The following PDGFRL variants were observed in gnomAD, a reference collection of about 807,000 sequenced individuals.
PDGFRL encodes the protein platelet-derived growth factor receptor-like protein.
A neutral mutation model predicts 37.2 loss-of-function variants in PDGFRL; 46 were observed. The observed-to-expected ratio is 1.24, with a 90% CI of 0.98 to 1.58. The LOEUF is 1.58. Ranked by LOEUF, PDGFRL falls within the 40% of genes most tolerant of loss-of-function variation. PDGFRL has a pLI of 0.00. For missense variants in PDGFRL, 692 were observed against 467.6 expected (o/e 1.48, Z -4.43); for synonymous variants, 251 against 184.3 (o/e 1.36, Z -2.93).
chr8:17,629,152 C>T lies in PDGFRL; in HGVS notation c.799+372C>T, dbSNP rs531125730. ...CCTACCTTGCCTGGGCTGGTCTCGA[C>T]CTCCTGGGCTTAAACAATCCTTTGA... On this transcript the variant is annotated intron_variant, in intron 4 of 5. Transcript: ENST00000251630. 3.3e-5 allele frequency among the ~76,000 whole-genome samples: 5 copies of T among 149,530 alleles called. No individual in the cohort carries two copies. The South Asian group carries it at 6.4e-4, about 19-fold the overall frequency.
At chr8:17,602,255 C>G (rs1376363677) in intron 2 of PDGFRL, among the ~76,000 whole-genome samples, 1 of 152,084 alleles carries the variant, frequency 6.6e-6, no homozygotes, top group Non-Finnish European at 1.5e-5. Context: ...CGAGGAAGCC[C>G]CACTTTTTGA....
At chr8:17,636,117 TTTAA>T (rs1437003377) in intron 5 of PDGFRL, among the ~76,000 whole-genome samples, 2 of 152,234 alleles carry the variant, frequency 1.3e-5, no homozygotes, top group African/African-American at 4.8e-5. Flanking sequence ...AGTTTTTTAG[TTTAA>T]TTAAGCCCGA....
chr8:17,583,016 G>C (rs1585296245), intron 1 of PDGFRL, among the ~76,000 whole-genome samples: 1 of 152,128 alleles, frequency 6.6e-6, no homozygotes, highest in Non-Finnish European at 1.5e-5. Flanking sequence ...GAGCAGAAGA[G>C]GCCAATAAGC....
Position 17,620,983 on chromosome 8 carries a change from G to C in PDGFRL, c.354-68G>C, listed in dbSNP as rs138265309. ...AGTCTGCCCAGAGAACAGTGGAGCCGAGTGTGACAGCTGGAGGGCCCCAGC... is the reference window on the plus strand; with the variant it reads ...AGTCTGCCCAGAGAACAGTGGAGCCCAGTGTGACAGCTGGAGGGCCCCAGC... On this transcript the variant is annotated intron_variant, in intron 2 of 5. Coordinates refer to ENST00000251630, the MANE Select transcript of PDGFRL (RefSeq NM_001372073.1). 32 of 1,201,888 alleles carry C rather than the reference G, an allele frequency of 2.7e-5. No individual in the cohort carries two copies. In the African/African-American group the frequency reaches 3.5e-4, roughly 13 times the overall value. 74.5% of individuals were successfully genotyped at this position (1,201,888 alleles called of 1,614,324 possible).
intron 2 of PDGFRL, among the ~76,000 whole-genome samples, chr8:17,620,443 A>G (rs1229936501): frequency 6.6e-6 from 1 of 152,028 alleles, no homozygotes; most frequent in Admixed American, 6.6e-5. Context: ...CAGGGTGGCC[A>G]TTTACCTCCT....
At chr8:17,623,453 A>G (rs571278222) in intron 3 of PDGFRL, among the ~76,000 whole-genome samples, 6 of 152,356 alleles carry the variant, frequency 3.9e-5, no homozygotes, top group East Asian at 1.9e-4. Context: ...ATTCAAGTCA[A>G]TGACTGATTC....
intron 2 of PDGFRL, among the ~76,000 whole-genome samples, chr8:17,592,730 T>C (rs1406186886): frequency 6.6e-6 from 1 of 152,198 alleles, no homozygotes; most frequent in Non-Finnish European, 1.5e-5. Context: ...CCCCCAGCTA[T>C]GTGTTCCCAC....
chr8:17,577,098 T>TA, upstream of PDGFRL: 1 of 700,294 alleles, frequency 1.4e-6, no homozygotes, highest in Non-Finnish European at 1.9e-6. Flanking sequence ...AAAAAAAAAT[T>TA]CCCCAACTTT....
At chr8:17,637,341 A>G (rs1358578463) in intron 5 of PDGFRL, among the ~76,000 whole-genome samples, 1 of 152,164 alleles carries the variant, frequency 6.6e-6, no homozygotes, top group Non-Finnish European at 1.5e-5. Flanking sequence ...TGAGATGATC[A>G]TGTGATTTTT....
chr8:17,580,821 T>C (rs930601467), intron 1 of PDGFRL, among the ~76,000 whole-genome samples: 1 of 152,162 alleles, frequency 6.6e-6, no homozygotes, highest in East Asian at 1.9e-4. Context: ...AATCCTTCCC[T>C]GCCTCCACTA....
At position 17,592,845 on chromosome 8, in the gene PDGFRL, T is replaced by C. The variant is rs113855829; in HGVS notation, c.353+3080T>C. On this transcript the variant is annotated intron_variant, in intron 2 of 5. Transcript: ENST00000251630. ...TGAGACTTAGCTGAGTGGTTGGCGGTTAGCTTTCTCTATTAATGTTTGACT... is the reference window on the plus strand; with the variant it reads ...TGAGACTTAGCTGAGTGGTTGGCGGCTAGCTTTCTCTATTAATGTTTGACT... 2.8e-3 allele frequency among the ~76,000 whole-genome samples: 423 copies of C among 152,226 alleles called. 1 individual carries two copies. Among genetic ancestry groups the C allele is most frequent in the African/African-American group, 9.9e-3 (409 of 41,514 alleles).
At chr8:17,623,014 C>T (rs1257708364) in intron 3 of PDGFRL, among the ~76,000 whole-genome samples, 2 of 152,152 alleles carry the variant, frequency 1.3e-5, no homozygotes. Flanking sequence ...AGGACATTCC[C>T]GTATCTGCTT....
chr8:17,606,886 G>GTTTTTTGTTTTT (rs1804290094), intron 2 of PDGFRL, among the ~76,000 whole-genome samples: 3 of 138,262 alleles, frequency 2.2e-5, no homozygotes, highest in African/African-American at 8.4e-5. Flanking sequence ...TTCGTTTTTT[G>GTTTTTTGTTTTT]TTTTTTTGTT....
At chr8:17,635,075 A>G (rs1034097204) in intron 5 of PDGFRL, among the ~76,000 whole-genome samples, 1 of 152,140 alleles carries the variant, frequency 6.6e-6, no homozygotes, top group Non-Finnish European at 1.5e-5. Context: ...TTCTGGGCCA[A>G]CTAGAGTCTA....
intron 2 of PDGFRL, among the ~76,000 whole-genome samples, chr8:17,593,318 A>G (rs56041459): frequency 0.16 from 24,880 of 152,100 alleles, 2,533 homozygotes; most frequent in Non-Finnish European, 0.23. Context: ...AAGGCCAGGC[A>G]TGATGACTCA....
chr8:17,614,979 T>C (rs576988830), intron 2 of PDGFRL, among the ~76,000 whole-genome samples: 4 of 152,144 alleles, frequency 2.6e-5, no homozygotes, highest in South Asian at 2.1e-4. Flanking sequence ...ATAGCACTTA[T>C]CTCTCAGGGC....
chr8:17,610,545 A>T (rs1456070632), intron 2 of PDGFRL, among the ~76,000 whole-genome samples: 1 of 152,158 alleles, frequency 6.6e-6, no homozygotes, highest in Non-Finnish European at 1.5e-5. Flanking sequence ...GGGATTCTCA[A>T]CCTGTAGTGT....
rs761910081 is a variant in PDGFRL, at chr8:17,642,804, TGGAAAA to T, written c.*9_*14del. 157 of 1,583,568 alleles carry T rather than the reference TGGAAAA, an allele frequency of 9.9e-5. No individual in the cohort carries two copies. Among genetic ancestry groups the T allele is most frequent in the Non-Finnish European group, 1.2e-4 (142 of 1,153,654 alleles). ...CTACCACTGTTGAGTTTTCCTGACTTGGAAAAGGAAATGTAATGAACTTATGGAAAG... is the reference window on the plus strand; with the variant it reads ...CTACCACTGTTGAGTTTTCCTGACTTGGAAATGTAATGAACTTATGGAAAG... On this transcript the variant is annotated 3_prime_UTR_variant, in exon 6 of 6. Coordinates refer to ENST00000251630, the MANE Select transcript of PDGFRL (RefSeq NM_001372073.1).
At chr8:17,639,498 T>C (rs4921794) in intron 5 of PDGFRL, among the ~76,000 whole-genome samples, 122,302 of 152,114 alleles carry the variant, frequency 0.8, 50,526 homozygotes, top group Non-Finnish European at 0.91. Flanking sequence ...CAGCATTTGT[T>C]TGTCTGAAAA....
Sources: allele counts gnomAD v4.1 joint callset (sites outside exome capture counted in the v4.1 genomes callset), GRCh38; gene constraint gnomAD v4.1.1; transcripts MANE v1.5; gene names NCBI Gene and HGNC (gene_info 2026-07-23, HGNC 2026-07-21).